Variants in ANKDD1A observed in about 807,000 individuals in gnomAD.
The protein encoded by ANKDD1A is ankyrin repeat and death domain-containing protein 1A.
In ANKDD1A, 59 loss-of-function variants were observed where a neutral mutation model predicts 63.5. The observed-to-expected ratio is 0.93, with a 90% CI of 0.75 to 1.15. ANKDD1A has a LOEUF of 1.15. Ranked by LOEUF, ANKDD1A falls within the 50% of genes most tolerant of loss-of-function variation. ANKDD1A has a pLI of 0.00. For missense variants in ANKDD1A, 632 were observed against 656.4 expected (o/e 0.96, Z 0.41); for synonymous variants, 266 against 263.9 (o/e 1.01, Z -0.08).
intron 14 of ANKDD1A, among the ~76,000 whole-genome samples, chr15:64,954,939 T>TC (rs1357640242): frequency 1.3e-5 from 2 of 148,718 alleles, no homozygotes; most frequent in Non-Finnish European, 3.0e-5. Context: ...TCCTTCTTCT[T>TC]GTCTCTTCTT....
chr15:64,914,849 G>C (rs1249347105), intron 1 of ANKDD1A, among the ~76,000 whole-genome samples: 1 of 152,246 alleles, frequency 6.6e-6, no homozygotes, highest in Non-Finnish European at 1.5e-5. Flanking sequence ...GTGCGTGACA[G>C]GGGTTGGCAG....
intron 4 of ANKDD1A, among the ~76,000 whole-genome samples, chr15:64,925,559 GACAT>G (rs1012650090): frequency 2.6e-5 from 4 of 152,140 alleles, no homozygotes; most frequent in African/African-American, 9.7e-5. Context: ...ACTTCCTAGT[GACAT>G]ACACTGGTCA....
At chr15:64,941,766 C>T (rs761892528) in intron 9 of ANKDD1A, among the ~76,000 whole-genome samples, 10 of 152,066 alleles carry the variant, frequency 6.6e-5, no homozygotes, top group Non-Finnish European at 1.2e-4. Context: ...GGGAGTATCC[C>T]CTCTTTGTCA....
chr15:64,951,696 C>CG (rs1211808344), intron 14 of ANKDD1A, among the ~76,000 whole-genome samples: 224 of 16,054 alleles, frequency 0.014, 1 homozygote, highest in South Asian at 0.099. Context: ...TCTTCCTCTT[C>CG]TTCTTCCTTA....
rs138202030 is a variant in ANKDD1A, at chr15:64,921,966, C to T, written c.313C>T (p.Arg105Ter). ...CCTGTCTGCCTGGTTCGGCCACTTA[C>T]GAATCCTCCAGATCTTGGTAAACTC... ...LLLSAWFGHL[R>*]ILQILVNSGA... is the part of the protein sequence containing the mutation. The change falls in exon 4 of 15, where the codon CGA becomes TGA. Residue 105 changes from arginine (R) to a stop codon, truncating the protein, a stop_gained. Transcript: ENST00000319580. LOFTEE classifies it high-confidence loss of function. The T allele has an allele frequency of 2.0e-5, 32 of 1,614,042 alleles. No individual in the cohort carries two copies. Among genetic ancestry groups the T allele is most frequent in the African/African-American group, 1.3e-4 (10 of 74,922 alleles).
At chr15:64,936,539 C>A (rs181831465) in intron 9 of ANKDD1A, among the ~76,000 whole-genome samples, 51 of 152,250 alleles carry the variant, frequency 3.3e-4, no homozygotes, top group Non-Finnish European at 2.6e-4. Context: ...AAGACACATT[C>A]ATAAAAAGTG....
intron 14 of ANKDD1A, chr15:64,951,100 T>A (rs1555397274): frequency 5.1e-6 from 6 of 1,178,876 alleles, no homozygotes; most frequent in East Asian, 6.8e-5. Context: ...AAGGGCTTTT[T>A]AAAAAATCAC....
intron 2 of ANKDD1A, 148 bp from the exon 3 acceptor site, chr15:64,917,238 A>G: frequency 9.9e-7 from 1 of 1,015,044 alleles, no homozygotes. Context: ...ATGTGGCAGA[A>G]TGGGGCTGGG....
chr15:64,915,779 C>A lies in ANKDD1A; in HGVS notation c.35-18C>A. 6.2e-7 allele frequency: 1 copy of A among 1,611,376 alleles called. No individual in the cohort carries two copies. Among genetic ancestry groups the A allele is most frequent in the East Asian group, 2.2e-5 (1 of 44,832 alleles). The stretch of plus-strand genomic sequence containing the variant: ...GGGCATCCTCCCCCTCATCCTGCAC[C>A]CCATTTTCTCCCCACAGTGCTTCCT... On this transcript the variant is annotated intron_variant, in intron 1 of 14. Transcript: ENST00000319580.
At chr15:64,940,407 G>A (rs968923345) in intron 9 of ANKDD1A, among the ~76,000 whole-genome samples, 3 of 117,834 alleles carry the variant, frequency 2.5e-5, no homozygotes, top group Non-Finnish European at 5.9e-5. Flanking sequence ...TAGATAGATA[G>A]ATAGATAGAT....
chr15:64,940,614 T>C (rs1387759114), intron 9 of ANKDD1A, among the ~76,000 whole-genome samples: 1 of 151,792 alleles, frequency 6.6e-6, no homozygotes, highest in Non-Finnish European at 1.5e-5. Flanking sequence ...TTGTATTTTT[T>C]TTTTTAGTAG....
In ANKDD1A at chr15:64,949,850, G is replaced by A. The variant is rs779845976; in HGVS notation, c.1361G>A (p.Ser454Asn). 9 of 1,601,920 alleles carry A rather than the reference G, an allele frequency of 5.6e-6. No homozygotes were observed. The South Asian group carries it at 9.9e-5, about 18-fold the overall frequency. The change falls in exon 14 of 15, where the codon AGC (serine) becomes AAC (asparagine). Residue 454 changes from serine (S) to asparagine (N), a missense_variant. Ser to Asn is a conservative substitution (Grantham distance 46, BLOSUM62 1). Coordinates refer to ENST00000319580, the MANE Select transcript of ANKDD1A (RefSeq NM_182703.6). ...CCCTCACTGTTCTCAGGCACCAGGA[G>A]CTATCAGGAGCACGGCCACCGAATG... ...AIEQQWTGTR[S>N]YQEHGHRMLL...
In ANKDD1A at chr15:64,916,030, G is replaced by C; in HGVS notation, c.138+130G>C. ...TGTGTAAACTTGGAGGGAGGCTCGG[G>C]CTCTGTCCTCATGGCCTGCATTGTC... On this transcript the variant is annotated intron_variant, in intron 2 of 14. Transcript: ENST00000319580. 7.2e-6 allele frequency: 6 copies of C among 827,854 alleles called. No homozygotes were observed. The South Asian group carries it at 8.6e-5, about 12-fold the overall frequency. 51.3% of individuals were successfully genotyped at this position (827,854 alleles called of 1,614,324 possible). A position where few individuals can be genotyped will look rare whatever the true frequency, so the allele number is the denominator to read the frequency against.
Position 64,944,705 on chromosome 15 carries a change from G to C in ANKDD1A, c.1119G>C (p.Val373=). Residue 373 remains valine, a synonymous_variant, in exon 12 of 15, where the codon GTG becomes GTC. Transcript: ENST00000319580. The part of the protein sequence containing the change: ...VAVRSNHVSL[V]DMIIKADRFY... Reference sequence around the variant, plus strand: ...TCCGCAGCAACCATGTCAGCCTGGTGGACATGATCATAAAAGCTGATCGTT... The same window carrying C: ...TCCGCAGCAACCATGTCAGCCTGGTCGACATGATCATAAAAGCTGATCGTT... 1 of 1,614,124 alleles carries C rather than the reference G, an allele frequency of 6.2e-7. No individual in the cohort carries two copies. Among genetic ancestry groups the C allele is most frequent in the Non-Finnish European group, 8.5e-7 (1 of 1,180,008 alleles).
At chr15:64,921,366 CA>C (rs1177270163) in intron 3 of ANKDD1A, among the ~76,000 whole-genome samples, 1 of 151,800 alleles carries the variant, frequency 6.6e-6, no homozygotes, top group African/African-American at 2.4e-5. Flanking sequence ...GAGTAAATGG[CA>C]GCTGGTTTTT....
intron 13 of ANKDD1A, among the ~76,000 whole-genome samples, chr15:64,949,212 G>A (rs1425789949): frequency 4.6e-5 from 7 of 152,256 alleles, no homozygotes; most frequent in African/African-American, 9.6e-5. Flanking sequence ...ACCCCATGCC[G>A]TGTGGGCAAT....
At chr15:64,930,518 A>T (rs948150087) in intron 6 of ANKDD1A, among the ~76,000 whole-genome samples, 1 of 152,096 alleles carries the variant, frequency 6.6e-6, no homozygotes, top group Non-Finnish European at 1.5e-5. Context: ...CGCAGGGGAG[A>T]GTTGCTGGGG....
intron 4 of ANKDD1A, among the ~76,000 whole-genome samples, chr15:64,923,439 G>C (rs916853616): frequency 9.9e-5 from 15 of 152,102 alleles, no homozygotes; most frequent in African/African-American, 3.6e-4. Flanking sequence ...AAACTAATAC[G>C]CCATTGTAAG....
intron 9 of ANKDD1A, 26 bp downstream of exon 9, chr15:64,934,260 G>C (rs775979562): frequency 6.3e-7 from 1 of 1,596,218 alleles, no homozygotes; most frequent in African/African-American, 1.3e-5. Context: ...GTGTTGAAGG[G>C]GGTCTCCATT....
Sources: gnomAD v4.1 joint callset for allele counts (sites outside exome capture counted in the v4.1 genomes callset) on GRCh38, gnomAD v4.1.1 for gene constraint, MANE v1.5 for transcripts, NCBI Gene and HGNC (gene_info 2026-07-23, HGNC 2026-07-21) for gene names.